HORMAD1: variants seen among roughly 807,000 people sequenced by gnomAD.
The protein encoded by HORMAD1 is HORMA domain-containing protein 1.
Under a neutral mutation model 58.2 loss-of-function variants are expected in HORMAD1, and 33 were observed. The ratio of observed to expected loss-of-function variants is 0.57; its 90% CI spans 0.43 to 0.76. HORMAD1 has a LOEUF of 0.76. HORMAD1 is among the 30% of genes least tolerant of loss of function. The pLI is 0.00. For synonymous variants in HORMAD1, 137 were observed against 144.6 expected, an observed-to-expected ratio of 0.95 and a Z score of 0.38; for missense variants, 363 against 462.0, an observed-to-expected ratio of 0.79 and a Z score of 1.96.
intron 1 of HORMAD1, among the ~76,000 whole-genome samples, chr1:150,720,392 G>A (rs1203090541): frequency 2.6e-5 from 4 of 152,186 alleles, no homozygotes; most frequent in East Asian, 1.9e-4. Flanking sequence ...TAGTGGAGAC[G>A]GGGTTTCGCC....
chr1:150,708,284 C>T lies in HORMAD1; in HGVS notation c.519G>A (p.Leu173=). ...CATCATAGTAAAAAAGTTTCATGGT[C>T]AAACAAACATCATTAGGTAAAGGCC... ...NLGPLPNDVC[L]TMKLFYYDEV... Residue 173 remains leucine, a synonymous_variant, in exon 9 of 15, where the codon TTG becomes TTA. Coordinates refer to ENST00000361824, the MANE Select transcript of HORMAD1 (RefSeq NM_032132.5). The T allele has an allele frequency of 6.2e-7, 1 of 1,602,780 alleles. No individual in the cohort carries two copies. Among genetic ancestry groups the T allele is most frequent in the Non-Finnish European group, 8.5e-7 (1 of 1,175,110 alleles).
In HORMAD1 at chr1:150,702,165, A is replaced by G. The variant is rs139228116; in HGVS notation, c.1032+1145T>C. Among the ~76,000 whole-genome samples the G allele has an allele frequency of 8.3e-3, 1,267 of 152,296 alleles. 24 individuals carry two copies. The highest frequency in any genetic ancestry group is 0.029 in the African/African-American group (1,223 of 41,564). ...AGACATTCATGTGGCCAACAAACAT[A>G]TGAAAAACACTCAACATCACTGATC... is the stretch of plus-strand genomic sequence containing the variant. On this transcript the variant is annotated intron_variant, in intron 13 of 14. Coordinates refer to ENST00000361824, the MANE Select transcript of HORMAD1 (RefSeq NM_032132.5).
intron 5 of HORMAD1, among the ~76,000 whole-genome samples, chr1:150,712,211 A>G (rs1349168275): frequency 3.9e-5 from 6 of 152,204 alleles, no homozygotes; most frequent in Non-Finnish European, 8.8e-5. Context: ...TTGAAAAAAG[A>G]AAAAGCAGAG....
chr1:150,705,081 A>T (rs1043790536), intron 10 of HORMAD1, among the ~76,000 whole-genome samples: 25 of 152,138 alleles, frequency 1.6e-4, no homozygotes, highest in African/African-American at 6.0e-4. Context: ...AACAAACCAG[A>T]AAACCCCAAA....
At chr1:150,715,245 C>T (rs1276282480) in intron 3 of HORMAD1, among the ~76,000 whole-genome samples, 1 of 151,962 alleles carries the variant, frequency 6.6e-6, no homozygotes, top group East Asian at 1.9e-4. Context: ...TTATAGAATC[C>T]ATGAAATTAG....
chr1:150,714,591 C>T, intron 4 of HORMAD1, 24 bp downstream of exon 4: 1 of 1,263,378 alleles, frequency 7.9e-7, no homozygotes, highest in Non-Finnish European at 1.1e-6. Context: ...ATAATTTTCT[C>T]TCTTTAGGTA....
chr1:150,708,795 G>A, intron 8 of HORMAD1, 99 bp downstream of exon 8: 3 of 655,758 alleles, frequency 4.6e-6, no homozygotes, highest in Non-Finnish European at 5.3e-6. Flanking sequence ...AATTGGGGAT[G>A]TCCCCGCAGT....
intron 13 of HORMAD1, 110 bp downstream of exon 13, chr1:150,703,200 T>C: frequency 1.5e-6 from 1 of 660,526 alleles, no homozygotes; most frequent in Non-Finnish European, 2.7e-6. Flanking sequence ...ACCTGACACA[T>C]AATAGGTACT....
chr1:150,709,893 C>T (rs1435552042), intron 7 of HORMAD1, among the ~76,000 whole-genome samples: 4 of 152,210 alleles, frequency 2.6e-5, no homozygotes, highest in East Asian at 3.9e-4. Context: ...CTTACGTGTA[C>T]GTCCAGTCAT....
At chr1:150,700,615 T>A (rs1308739681) in intron 13 of HORMAD1, among the ~76,000 whole-genome samples, 1 of 152,150 alleles carries the variant, frequency 6.6e-6, no homozygotes, top group African/African-American at 2.4e-5. Flanking sequence ...AAACCCCATA[T>A]ACCTTAGCTA....
chr1:150,708,211 T>C lies in HORMAD1; in HGVS notation c.547+45A>G. On this transcript the variant is annotated intron_variant, in intron 9 of 14. Transcript: ENST00000361824. ...TGGAAACCAATTGTTTCAATAATGA[T>C]AAAACATATGTACCAACTGAAACAG... 2 of 1,393,066 alleles carry C rather than the reference T, an allele frequency of 1.4e-6. 1 individual carries two copies. The highest frequency in any genetic ancestry group is 3.3e-5 in the South Asian group (2 of 61,066). The allele number at this position is 1,393,066 out of a possible 1,614,324, so 86.3% of individuals were successfully genotyped here. A position where few individuals can be genotyped will look rare whatever the true frequency, so the allele number is the denominator to read the frequency against.
At chr1:150,712,779 T>C (rs886843602) in intron 5 of HORMAD1, among the ~76,000 whole-genome samples, 1 of 152,182 alleles carries the variant, frequency 6.6e-6, no homozygotes, top group African/African-American at 2.4e-5. Flanking sequence ...ACTCCTAACC[T>C]TAGGTGATCC....
At position 150,700,108 on chromosome 1, in the gene HORMAD1, T is replaced by A. The variant is rs1651492852; in HGVS notation, c.1104+4A>T. 1 of 1,395,902 alleles carries A rather than the reference T, an allele frequency of 7.2e-7. No individual in the cohort carries two copies. Among genetic ancestry groups the A allele is most frequent in the Admixed American group, 1.7e-5 (1 of 59,668 alleles). The allele number at this position is 1,395,902 out of a possible 1,614,324, so 86.5% of individuals were successfully genotyped here. Reference sequence around the variant, plus strand: ...TTCAAACTATACATTATCATAAGACTTACTATTCTCCCAGATTCATGTTGA... The same window carrying A: ...TTCAAACTATACATTATCATAAGACATACTATTCTCCCAGATTCATGTTGA... On this transcript the variant is annotated splice_donor_region_variant and intron_variant, in intron 14 of 14. Coordinates refer to ENST00000361824, the MANE Select transcript of HORMAD1 (RefSeq NM_032132.5).
At chr1:150,706,374 G>A (rs972252122) in intron 10 of HORMAD1, among the ~76,000 whole-genome samples, 179 bp downstream of exon 10, 3 of 152,146 alleles carry the variant, frequency 2.0e-5, no homozygotes, top group Admixed American at 2.0e-4. Context: ...GTACAATGTT[G>A]TTTGGGCTAA....
At chr1:150,705,339 A>G (rs1334388843) in intron 10 of HORMAD1, among the ~76,000 whole-genome samples, 1 of 151,764 alleles carries the variant, frequency 6.6e-6, no homozygotes, top group Non-Finnish European at 1.5e-5. Flanking sequence ...TAGCCTGACC[A>G]ACATGGAGAA....
intron 14 of HORMAD1, among the ~76,000 whole-genome samples, chr1:150,699,707 T>C (rs1651481444): frequency 6.6e-6 from 1 of 150,440 alleles, no homozygotes; most frequent in Non-Finnish European, 1.5e-5. Flanking sequence ...TTTTTTTTTG[T>C]ATTTTTGGTA....
Position 150,711,147 on chromosome 1 carries a change from T to C in HORMAD1, c.327+398A>G, listed in dbSNP as rs1013697244. Among the ~76,000 whole-genome samples the C allele has an allele frequency of 2.0e-5, 3 of 152,234 alleles. 1 individual carries two copies. Among genetic ancestry groups the C allele is most frequent in the South Asian group, 4.1e-4 (2 of 4,836 alleles). On this transcript the variant is annotated intron_variant, in intron 7 of 14. Coordinates refer to ENST00000361824, the MANE Select transcript of HORMAD1 (RefSeq NM_032132.5). ...TCCCTTCTCTCCTTTAATGGTAAGA[T>C]AAATAGGTAGCTATGAATGGATTGG...
At position 150,719,583 on chromosome 1, in the gene HORMAD1, C is replaced by T. The variant is rs1652181975; in HGVS notation, c.-33-45G>A. The T allele has an allele frequency of 3.2e-6, 3 of 949,068 alleles. No individual in the cohort carries two copies. In the East Asian group the frequency reaches 7.7e-5, roughly 24 times the overall value. The allele number at this position is 949,068 out of a possible 1,614,324, so 58.8% of individuals were successfully genotyped here. The stretch of plus-strand genomic sequence containing the variant: ...CTTTAACTTAGAGCTCATTTTTTTC[C>T]TCTAACATTTCAGTTTACCACATAT... On this transcript the variant is annotated intron_variant, in intron 1 of 14. Coordinates refer to ENST00000361824, the MANE Select transcript of HORMAD1 (RefSeq NM_032132.5).
chr1:150,707,569 C>T (rs1651732503), intron 9 of HORMAD1, among the ~76,000 whole-genome samples: 1 of 152,146 alleles, frequency 6.6e-6, no homozygotes, highest in Non-Finnish European at 1.5e-5. Context: ...AGATAGTGTG[C>T]ATTTAAAATT....
Sources: gnomAD v4.1 joint callset for allele counts (sites outside exome capture counted in the v4.1 genomes callset) on GRCh38, gnomAD v4.1.1 for gene constraint, MANE v1.5 for transcripts, NCBI Gene and HGNC (gene_info 2026-07-23, HGNC 2026-07-21) for gene names.